The following CCDC30 variants were observed in gnomAD, a reference collection of about 807,000 sequenced individuals.
CCDC30 encodes the protein coiled-coil domain containing 30, also known as coiled-coil domain-containing protein 30.
A neutral mutation model predicts 100.2 loss-of-function variants in CCDC30; 70 were observed. That is an observed-to-expected ratio of 0.70 (90% confidence interval 0.58 to 0.85). The LOEUF (loss-of-function observed/expected upper bound fraction) is 0.85. Among genes scored for constraint, CCDC30 ranks in the 40% least tolerant of loss-of-function variants. The pLI is 0.00. For missense variants in CCDC30, 652 were observed against 771.2 expected, an observed-to-expected ratio of 0.85 and a Z score of 1.83; for synonymous variants, 233 against 269.5, an observed-to-expected ratio of 0.86 and a Z score of 1.33.
At chr1:42,536,672 A>C in intron 6 of CCDC30, 71 bp downstream of exon 7, 1 of 1,163,656 alleles carries the variant, frequency 8.6e-7, no homozygotes, top group Non-Finnish European at 1.3e-6. Context: ...TATCATTTTT[A>C]AATAAAGTAT....
At chr1:42,611,553 T>TATACATAC (rs71777645) in intron 11 of CCDC30, among the ~76,000 whole-genome samples, 5 of 151,312 alleles carry the variant, frequency 3.3e-5, no homozygotes, top group South Asian at 2.1e-4. Flanking sequence ...TCTCTCTTTC[T>TATACATAC]ATACATACAT....
At chr1:42,605,353 A>G (rs1254736213) in intron 10 of CCDC30, among the ~76,000 whole-genome samples, 1 of 152,170 alleles carries the variant, frequency 6.6e-6, no homozygotes, top group Non-Finnish European at 1.5e-5. Context: ...AACCCACCCC[A>G]AATTTCCTAT....
intron 11 of CCDC30, among the ~76,000 whole-genome samples, chr1:42,632,664 G>A (rs1221805598): frequency 6.6e-6 from 1 of 151,742 alleles, no homozygotes; most frequent in Non-Finnish European, 1.5e-5. Flanking sequence ...GGAGGCTGAG[G>A]CAGGAGAATT....
intron 6 of CCDC30, among the ~76,000 whole-genome samples, chr1:42,503,248 T>C (rs1219180929): frequency 1.3e-5 from 2 of 152,034 alleles, no homozygotes; most frequent in Non-Finnish European, 2.9e-5. Flanking sequence ...ACTAAGAAGA[T>C]TAAAGACAGA....
intron 11 of CCDC30, among the ~76,000 whole-genome samples, chr1:42,617,130 G>A (rs1010519495): frequency 2.0e-5 from 3 of 152,072 alleles, no homozygotes; most frequent in African/African-American, 4.8e-5. Flanking sequence ...CAAACTTTCT[G>A]TAATTAATTC....
intron 11 of CCDC30, among the ~76,000 whole-genome samples, chr1:42,620,523 G>T (rs982647068): frequency 6.6e-6 from 1 of 150,388 alleles, no homozygotes; most frequent in African/African-American, 2.5e-5. Context: ...GCTGGCTCAA[G>T]ATCTCAAATA....
chr1:42,605,618 A>G (rs1410520968), intron 10 of CCDC30, among the ~76,000 whole-genome samples: 1 of 152,116 alleles, frequency 6.6e-6, no homozygotes, highest in Non-Finnish European at 1.5e-5. Flanking sequence ...AGCTGGGACT[A>G]CAGGCATATG....
intron 10 of CCDC30, among the ~76,000 whole-genome samples, chr1:42,609,578 CA>C (rs1646576759): frequency 6.6e-6 from 1 of 152,042 alleles, no homozygotes; most frequent in African/African-American, 2.4e-5. Flanking sequence ...TTTAAGTTGG[CA>C]AAATCTTGCC....
In CCDC30 at chr1:42,583,359, G is replaced by A. The variant is rs555649560; in HGVS notation, c.1001+1845G>A. Among the ~76,000 whole-genome samples the A allele has an allele frequency of 1.7e-4, 26 of 152,260 alleles. 1 individual carries two copies. Among genetic ancestry groups the A allele is most frequent in the African/African-American group, 5.8e-4 (24 of 41,550 alleles). On this transcript the variant is annotated intron_variant, in intron 9 of 16. Transcript: ENST00000668663. ...AGATTTGCTAAGAAGAAATATGTATGCACTATTTAAACTAAGTGTAGGAAA... is the reference window on the plus strand; with the variant it reads ...AGATTTGCTAAGAAGAAATATGTATACACTATTTAAACTAAGTGTAGGAAA...
In CCDC30 at chr1:42,509,666, C is replaced by T. The variant is rs114747481; in HGVS notation, c.456+10750C>T. ...GGCTTGATCAACAGGCTTATGAGGT[C>T]CTGGGCCTGTATCCTAACCTAAGGT... On this transcript the variant is annotated intron_variant, in intron 6 of 16. Coordinates refer to ENST00000668663, the Ensembl canonical transcript of CCDC30. Among the ~76,000 whole-genome samples, 790 of 152,226 alleles carry T rather than the reference C, an allele frequency of 5.2e-3. 7 individuals carry two copies. The highest frequency in any genetic ancestry group is 0.018 in the African/African-American group (763 of 41,516).
At chr1:42,498,403 T>G (rs1644260533) in intron 5 of CCDC30, among the ~76,000 whole-genome samples, 1 of 152,166 alleles carries the variant, frequency 6.6e-6, no homozygotes, top group Non-Finnish European at 1.5e-5. Context: ...AATAATATGC[T>G]TAATGATGCT....
chr1:42,460,370 C>A, upstream of CCDC30: 1 of 987,300 alleles, frequency 1.0e-6, no homozygotes, highest in Non-Finnish European at 1.2e-6. Flanking sequence ...ATAAAAAAAT[C>A]AAGTGCAATA....
chr1:42,479,589 C>G (rs771657620), intron 1 of CCDC30, among the ~76,000 whole-genome samples: 2 of 147,354 alleles, frequency 1.4e-5, no homozygotes, highest in Admixed American at 1.3e-4. Flanking sequence ...AAAAGCCTCC[C>G]AAATCCTGAT....
chr1:42,634,333 A>T (rs1647105944), intron 11 of CCDC30, among the ~76,000 whole-genome samples: 2 of 151,278 alleles, frequency 1.3e-5, no homozygotes, highest in Admixed American at 1.3e-4. Flanking sequence ...AGACCATTTT[A>T]GTTGTTACAA....
rs938373519 is a variant in CCDC30, at chr1:42,580,691, A to T, written c.847-669A>T. On this transcript the variant is annotated intron_variant, in intron 8 of 16. Coordinates refer to ENST00000668663, the Ensembl canonical transcript of CCDC30. ...ATGACACTTTAAATCTGTCATATAA[A>T]CTCTAAAATATAACAGTCTCTCTTT... 6.4e-5 allele frequency: 17 copies of T among 264,136 alleles called. 1 individual carries two copies. The highest frequency in any genetic ancestry group is 2.4e-3 in the Middle Eastern group (2 of 844). The allele number at this position is 264,136 out of a possible 1,614,324, so 16.4% of individuals were successfully genotyped here.
At chr1:42,487,806 A>T (rs1260770236) in intron 3 of CCDC30, among the ~76,000 whole-genome samples, 1 of 152,174 alleles carries the variant, frequency 6.6e-6, no homozygotes, top group African/African-American at 2.4e-5. Context: ...AAGCTGAATC[A>T]GATTGGAAAT....
At chr1:42,611,004 A>G (rs760470819) in exon 11 of CCDC30, 2 of 1,610,504 alleles carry the variant, frequency 1.2e-6, no homozygotes, top group South Asian at 2.2e-5. Context: ...AGGAATTGTC[A>G]GAGAAGCTAT....
intron 6 of CCDC30, among the ~76,000 whole-genome samples, chr1:42,505,520 A>T (rs1390303112): frequency 1.3e-5 from 2 of 152,244 alleles, no homozygotes; most frequent in Non-Finnish European, 2.9e-5. Context: ...GTAAAAACAA[A>T]TTATGATAGG....
intron 11 of CCDC30, among the ~76,000 whole-genome samples, chr1:42,619,145 A>G (rs1214113336): frequency 6.6e-6 from 1 of 152,348 alleles, no homozygotes; most frequent in East Asian, 1.9e-4. Flanking sequence ...TGCACTGACA[A>G]GCAAGCTATA....
Sources: gnomAD v4.1 joint callset for allele counts (sites outside exome capture counted in the v4.1 genomes callset) on GRCh38, gnomAD v4.1.1 for gene constraint, MANE v1.5 for transcripts, NCBI Gene and HGNC (gene_info 2026-07-23, HGNC 2026-07-21) for gene names.